BMP5: variants seen among roughly 807,000 people sequenced by gnomAD.
BMP5 encodes bone morphogenetic protein 5.
In BMP5, 23 loss-of-function variants were observed where a neutral mutation model predicts 46.6. That is an observed-to-expected ratio of 0.49 (90% CI 0.35 to 0.70). BMP5 has a LOEUF of 0.70. Ranked by LOEUF, BMP5 falls within the 30% of genes least tolerant of loss-of-function variation. The pLI, the probability that BMP5 is intolerant of heterozygous loss-of-function variation, is 0.00. For missense variants in BMP5, 545 were observed against 565.6 expected (o/e 0.96, Z 0.37); for synonymous variants, 204 against 191.9 (o/e 1.06, Z -0.52).
chr6:55,780,189 G>C (rs1775274452), intron 3 of BMP5, among the ~76,000 whole-genome samples: 1 of 147,674 alleles, frequency 6.8e-6, no homozygotes, highest in Non-Finnish European at 1.5e-5. Flanking sequence ...GTACAAACAA[G>C]CATAGGATTC....
intron 1 of BMP5, among the ~76,000 whole-genome samples, chr6:55,849,379 A>G (rs1421874469): frequency 6.6e-6 from 1 of 152,104 alleles, no homozygotes; most frequent in African/African-American, 2.4e-5. Flanking sequence ...ATACCAGGGT[A>G]AGTGAATAGA....
intron 2 of BMP5, 139 bp downstream of exon 2, chr6:55,819,516 T>C (rs1230892497): frequency 2.8e-6 from 2 of 721,792 alleles, no homozygotes; most frequent in East Asian, 5.4e-5. Flanking sequence ...TACCTTTCAA[T>C]ATCTCTACCT....
At chr6:55,785,662 T>C (rs2093750005) in intron 3 of BMP5, among the ~76,000 whole-genome samples, 1 of 151,768 alleles carries the variant, frequency 6.6e-6, no homozygotes, top group African/African-American at 2.4e-5. Context: ...ATGACACTTT[T>C]GCTAAACATT....
intron 2 of BMP5, among the ~76,000 whole-genome samples, chr6:55,806,683 G>T (rs941149870): frequency 4.6e-5 from 7 of 152,102 alleles, no homozygotes; most frequent in South Asian, 2.1e-4. Flanking sequence ...TCATTATATT[G>T]ATTCTTCCTA....
chr6:55,854,420 T>C (rs1336568779), intron 1 of BMP5, among the ~76,000 whole-genome samples: 6 of 152,050 alleles, frequency 3.9e-5, no homozygotes, highest in Admixed American at 3.9e-4. Context: ...TTTAAGAGGG[T>C]TAATCTAATG....
intron 3 of BMP5, among the ~76,000 whole-genome samples, chr6:55,786,756 A>C (rs907152639): frequency 1.3e-5 from 2 of 151,590 alleles, no homozygotes; most frequent in African/African-American, 4.8e-5. Flanking sequence ...TTCCTTTCAG[A>C]ACCTCCAGCA....
chr6:55,794,250 CAA>C, intron 3 of BMP5, 27 bp downstream of exon 3: 1 of 1,612,872 alleles, frequency 6.2e-7, no homozygotes, highest in Non-Finnish European at 8.5e-7. Context: ...ACAAGCTTCA[CAA>C]AAAAATATAT....
chr6:55,867,522 G>A (rs1326000704), intron 1 of BMP5, among the ~76,000 whole-genome samples: 2 of 152,082 alleles, frequency 1.3e-5, no homozygotes, highest in African/African-American at 2.4e-5. Context: ...CAGTGGGTGG[G>A]GCAGGCGGGA....
chr6:55,865,457 T>C (rs780897248), intron 1 of BMP5: 5 of 493,024 alleles, frequency 1.0e-5, no homozygotes, highest in African/African-American at 9.8e-5. Context: ...AAAATGTTGC[T>C]TTTGGGTCCT....
At chr6:55,871,434 T>C (rs1036131203) in intron 1 of BMP5, among the ~76,000 whole-genome samples, 1 of 151,878 alleles carries the variant, frequency 6.6e-6, no homozygotes, top group Non-Finnish European at 1.5e-5. Context: ...AATTTATATT[T>C]GTTTCTTCAA....
intron 2 of BMP5, among the ~76,000 whole-genome samples, chr6:55,797,728 T>C (rs1402448452): frequency 3.3e-5 from 5 of 150,932 alleles, no homozygotes; most frequent in Admixed American, 6.6e-5. Context: ...GCCATTCTCC[T>C]GCTTCAGCCT....
chr6:55,765,653 G>A lies in BMP5; in HGVS notation c.1028-5120C>T, dbSNP rs35241612. ...TAAGGGGCTTTAAAATGCTATTGTTGTTCTAGCTTAATCATTATTTTCTAT... is the reference window on the plus strand; with the variant it reads ...TAAGGGGCTTTAAAATGCTATTGTTATTCTAGCTTAATCATTATTTTCTAT... On this transcript the variant is annotated intron_variant, in intron 4 of 6. Coordinates refer to ENST00000370830, the MANE Select transcript of BMP5 (RefSeq NM_021073.4). Among the ~76,000 whole-genome samples the A allele has an allele frequency of 3.8e-3, 583 of 152,116 alleles. 3 individuals are homozygous for A. Among genetic ancestry groups the A allele is most frequent in the Non-Finnish European group, 6.0e-3 (409 of 67,980 alleles).
At chr6:55,758,855 A>T in intron 6 of BMP5, 150 bp downstream of exon 6, 1 of 670,968 alleles carries the variant, frequency 1.5e-6, no homozygotes, top group Non-Finnish European at 2.7e-6. Context: ...GACTATACCC[A>T]CAGTTGTTAC....
intron 1 of BMP5, among the ~76,000 whole-genome samples, chr6:55,825,128 CCA>C (rs1486889907): frequency 2.6e-5 from 4 of 151,478 alleles, no homozygotes; most frequent in Non-Finnish European, 5.9e-5. Context: ...TTTCCTATAC[CCA>C]CACACACATA....
At chr6:55,850,202 A>G (rs1353895354) in intron 1 of BMP5, among the ~76,000 whole-genome samples, 1 of 152,130 alleles carries the variant, frequency 6.6e-6, no homozygotes, top group Non-Finnish European at 1.5e-5. Flanking sequence ...GATTAATCAT[A>G]GTATTTATAT....
intron 1 of BMP5, among the ~76,000 whole-genome samples, chr6:55,850,390 A>ATAGATAGATAGATAGG (rs1300573171): frequency 1.1e-3 from 150 of 141,326 alleles, no homozygotes; most frequent in African/African-American, 4.1e-3. Context: ...AGATAGATAG[A>ATAGATAGATAGATAGG]TAGATCGATA....
rs1276243796 is a variant in BMP5 at position 55,828,252 on chromosome 6, C to T, written c.491-8405G>A. 4.0e-5 allele frequency among the ~76,000 whole-genome samples: 6 copies of T among 151,868 alleles called. 1 individual carries two copies. In the East Asian group the frequency reaches 7.7e-4, roughly 20 times the overall value. ...AGTTTTCTTCTGAAATTGCTCAGTG[C>T]CTTCTCTAATGACTGATAATTGAAA... On this transcript the variant is annotated intron_variant, in intron 1 of 6. Transcript: ENST00000370830.
At chr6:55,829,505 A>C (rs891839798) in intron 1 of BMP5, among the ~76,000 whole-genome samples, 3 of 151,224 alleles carry the variant, frequency 2.0e-5, no homozygotes, top group African/African-American at 7.4e-5. Context: ...TAGTATATAT[A>C]TATTTTTTAC....
At chr6:55,778,191 C>T (rs1164051575) in intron 3 of BMP5, among the ~76,000 whole-genome samples, 1 of 151,966 alleles carries the variant, frequency 6.6e-6, no homozygotes, top group Non-Finnish European at 1.5e-5. Flanking sequence ...GTATGATATC[C>T]ATGTCTTGAT....
Sources: allele counts gnomAD v4.1 joint callset (sites outside exome capture counted in the v4.1 genomes callset), GRCh38; gene constraint gnomAD v4.1.1; transcripts MANE v1.5; gene names NCBI Gene and HGNC (gene_info 2026-07-23, HGNC 2026-07-21).